The following RNF19B variants were observed in gnomAD, a reference collection of about 807,000 sequenced individuals.
The protein encoded by RNF19B is ring finger protein 19B, also known as E3 ubiquitin-protein ligase RNF19B.
RNF19B carries 23 observed loss-of-function variants against 65.5 expected under a neutral mutation model. The ratio of observed to expected loss-of-function variants is 0.35; its 90% CI spans 0.25 to 0.50. RNF19B has a LOEUF of 0.50. Among genes scored for constraint, RNF19B ranks in the 20% least tolerant of loss-of-function variants. The pLI, the probability that RNF19B is intolerant of heterozygous loss-of-function variation, is 0.98. For synonymous variants in RNF19B, 372 were observed against 379.6 expected (o/e 0.98, Z 0.23); for missense variants, 794 against 980.0 (o/e 0.81, Z 2.53).
chr1:32,929,705 G>C, the RNF19B span, among the ~76,000 whole-genome samples: 1 of 152,144 alleles, frequency 6.6e-6, no homozygotes, highest in African/African-American at 2.4e-5. Flanking sequence ...TCTGAGAATT[G>C]TCTGTAAATC....
chr1:32,944,196 A>G, intron 5 of RNF19B, 37 bp from the exon 6 acceptor site: 1 of 1,580,152 alleles, frequency 6.3e-7, no homozygotes, highest in Non-Finnish European at 8.6e-7. Flanking sequence ...GCTGGCTATT[A>G]GGTTGCAAGT....
At chr1:32,961,861 A>G (rs1478035024) in intron 1 of RNF19B, among the ~76,000 whole-genome samples, 14 of 152,310 alleles carry the variant, frequency 9.2e-5, no homozygotes, top group Non-Finnish European at 5.9e-5. Context: ...AGAAAAATAA[A>G]AAAACAAACA....
chr1:32,945,885 T>TTA (rs967249286), intron 4 of RNF19B, among the ~76,000 whole-genome samples: 32 of 152,102 alleles, frequency 2.1e-4, no homozygotes, highest in Admixed American at 1.6e-3. Context: ...CTTTTATTTT[T>TTA]TTTTTTGGAG....
At chr1:32,952,429 TAAAAAAAAAAAAAAA>T (rs375150376) in intron 1 of RNF19B, among the ~76,000 whole-genome samples, 6 of 73,998 alleles carry the variant, frequency 8.1e-5, no homozygotes, top group African/African-American at 4.3e-4. Context: ...CCTTTTCTCT[TAAAAAAAAAAAAAAA>T]AAAAAAAAAA....
chr1:32,960,218 CTT>C (rs1262105063), intron 1 of RNF19B, among the ~76,000 whole-genome samples: 1 of 152,042 alleles, frequency 6.6e-6, no homozygotes, highest in Non-Finnish European at 1.5e-5. Context: ...GTATGGTGTT[CTT>C]GTTATTATGA....
At chr1:32,944,876 G>A (rs1352570841) in intron 5 of RNF19B, among the ~76,000 whole-genome samples, 1 of 152,076 alleles carries the variant, frequency 6.6e-6, no homozygotes, top group African/African-American at 2.4e-5. Flanking sequence ...TTTTAGTAGA[G>A]ATGGGGTTTC....
intron 6 of RNF19B, among the ~76,000 whole-genome samples, chr1:32,943,070 G>T (rs1557568405): frequency 6.6e-6 from 1 of 151,360 alleles, no homozygotes; most frequent in Admixed American, 6.6e-5. Flanking sequence ...GAACCCAGGA[G>T]CCGGAGCCTG....
chr1:32,964,781 AC>A lies in RNF19B; in HGVS notation c.-97del. On this transcript the variant is annotated 5_prime_UTR_variant, in exon 1 of 9. Transcript: ENST00000235150. This position sits in a 1 kb window ranked among gnomAD's most constrained non-coding sequence, Gnocchi z 6.5. The stretch of plus-strand genomic sequence containing the variant: ...GCGCCCGGCCGCCGCCGACGCCGCC[AC>A]CACCGCCTCAACCGCCCTCCCGGCG... 8.6e-7 allele frequency: 1 copy of A among 1,163,824 alleles called. No homozygotes were observed. Among genetic ancestry groups the A allele is most frequent in the Non-Finnish European group, 1.1e-6 (1 of 910,782 alleles). 72.1% of individuals were successfully genotyped at this position (1,163,824 alleles called of 1,614,324 possible). A position where few individuals can be genotyped will look rare whatever the true frequency, so the allele number is the denominator to read the frequency against.
chr1:32,949,739 G>A lies in RNF19B; in HGVS notation c.671C>T (p.Pro224Leu). 1.9e-6 allele frequency: 3 copies of A among 1,613,728 alleles called. No individual in the cohort carries two copies. Among genetic ancestry groups the A allele is most frequent in the Admixed American group, 1.7e-5 (1 of 59,948 alleles). ...AVIAYGCASC[P>L]KLTCEREGCQ... Reference sequence around the variant, plus strand: ...ACCTTCCCTCTCACAAGTTAGCTTCGGGCAGCTGGCACAGCCATAGGCAAT... The same window carrying A: ...ACCTTCCCTCTCACAAGTTAGCTTCAGGCAGCTGGCACAGCCATAGGCAAT... Residue 224 changes from proline (P) to leucine (L), a missense_variant, in exon 2 of 9, where the codon CCG becomes CTG. Coordinates refer to ENST00000235150, the MANE Select transcript of RNF19B (RefSeq NM_001300826.2).
chr1:32,961,118 C>T (rs149504743), intron 1 of RNF19B, among the ~76,000 whole-genome samples: 2 of 152,334 alleles, frequency 1.3e-5, no homozygotes, highest in African/African-American at 4.8e-5. Context: ...TAACCACTTT[C>T]AACTGAAGAT....
At chr1:32,954,857 C>G (rs774082139) in intron 1 of RNF19B, among the ~76,000 whole-genome samples, 4 of 151,988 alleles carry the variant, frequency 2.6e-5, no homozygotes, top group Non-Finnish European at 5.9e-5. Context: ...AGACCTTGTC[C>G]TCAAAGATAT....
intron 1 of RNF19B, 141 bp downstream of exon 1, chr1:32,963,910 C>A (rs1642834028): frequency 1.5e-6 from 2 of 1,316,138 alleles, no homozygotes; most frequent in South Asian, 1.9e-5. Context: ...CTAGTCTGGG[C>A]TTGCCTGATG....
At chr1:32,948,569 T>C (rs1322930358) in intron 2 of RNF19B, among the ~76,000 whole-genome samples, 2 of 152,186 alleles carry the variant, frequency 1.3e-5, no homozygotes, top group African/African-American at 4.8e-5. Context: ...TGTCTCTTAT[T>C]GAGCTGCCTA....
At chr1:32,950,809 T>C (rs1642476822) in intron 1 of RNF19B, among the ~76,000 whole-genome samples, 1 of 151,852 alleles carries the variant, frequency 6.6e-6, no homozygotes, top group Non-Finnish European at 1.5e-5. Context: ...AGTGCTGGAA[T>C]TACAGGCATG....
rs771908590 is a variant in RNF19B, at chr1:32,944,181, T to C, written c.1262-22A>G. 2.5e-6 allele frequency: 4 copies of C among 1,598,998 alleles called. No homozygotes were observed. The East Asian group carries it at 6.8e-5, about 27-fold the overall frequency. On this transcript the variant is annotated intron_variant, in intron 5 of 8. Coordinates refer to ENST00000235150, the MANE Select transcript of RNF19B (RefSeq NM_001300826.2). ...ATACCTGGGGGAAGAGAAGGAAACA[T>C]GTCAGCTGGCTATTAGGTTGCAAGT...
At chr1:32,959,216 A>T (rs1247234716) in intron 1 of RNF19B, among the ~76,000 whole-genome samples, 1 of 152,224 alleles carries the variant, frequency 6.6e-6, no homozygotes, top group Non-Finnish European at 1.5e-5. Flanking sequence ...GATTCTGCAG[A>T]GGACAGAGGC....
At chr1:32,956,267 C>T (rs549551136) in intron 1 of RNF19B, among the ~76,000 whole-genome samples, 2 of 152,152 alleles carry the variant, frequency 1.3e-5, no homozygotes, top group African/African-American at 2.4e-5. Flanking sequence ...CTCCCAGCTA[C>T]TCGGGAGGCT....
At position 32,936,939 on chromosome 1, in the gene RNF19B, CG is replaced by C. The variant is rs1203386837; in HGVS notation, c.2062del (p.Arg688AlafsTer23). ...DITSDECGSPRSHTAACPSTP... is the reference protein window; with the variant it reads ...DITSDECGSPXSHTAACPSTP... ...CGAGGGGCAGGCTGCAGTATGGGAGCGGGGGGAGCCACACTCATCTGAGGTG... is the reference window on the plus strand; with the variant it reads ...CGAGGGGCAGGCTGCAGTATGGGAGCGGGGGAGCCACACTCATCTGAGGTG... On this transcript the variant is annotated frameshift_variant, in exon 9 of 9. Coordinates refer to ENST00000235150, the MANE Select transcript of RNF19B (RefSeq NM_001300826.2). LOFTEE classifies it high-confidence loss of function. 13 of 1,613,774 alleles carry C rather than the reference CG, an allele frequency of 8.1e-6. No individual in the cohort carries two copies. The highest frequency in any genetic ancestry group is 2.7e-5 in the African/African-American group (2 of 74,802).
intron 7 of RNF19B, among the ~76,000 whole-genome samples, chr1:32,939,077 C>G (rs1261098318): frequency 1.3e-5 from 2 of 152,208 alleles, no homozygotes; most frequent in East Asian, 3.8e-4. Flanking sequence ...CCTTTCTCTA[C>G]CAGACAAACT....
Sources: allele counts gnomAD v4.1 joint callset (sites outside exome capture counted in the v4.1 genomes callset), GRCh38; gene constraint gnomAD v4.1.1; non-coding constraint Gnocchi (gnomAD v3.1); transcripts MANE v1.5; gene names NCBI Gene and HGNC (gene_info 2026-07-23, HGNC 2026-07-21).